ECPAS: variants seen among roughly 807,000 people sequenced by gnomAD.
ECPAS encodes proteasome adapter and scaffold protein ECM29.
A neutral mutation model predicts 255.1 loss-of-function variants in ECPAS; 70 were observed. The observed-to-expected ratio is 0.27, with a 90% confidence interval of 0.23 to 0.33. The LOEUF (loss-of-function observed/expected upper bound fraction) is 0.33, where lower values mean the gene tolerates loss of function less well. Ranked by LOEUF, ECPAS falls within the 10% of genes least tolerant of loss-of-function variation. ECPAS has a pLI of 1.00. For synonymous variants in ECPAS, 784 were observed against 775.0 expected (o/e 1.01, Z -0.19); for missense variants, 1,817 against 2,206.4 (o/e 0.82, Z 3.54).
intron 1 of ECPAS, chr9:111,483,455 C>G (rs1009243314): frequency 1.0e-6 from 1 of 959,220 alleles, no homozygotes; most frequent in African/African-American, 1.8e-5. Context: ...CCCGGCACCG[C>G]GCGGCGCCCG....
intron 17 of ECPAS, 150 bp downstream of exon 17, chr9:111,417,733 C>G (rs528470862): frequency 2.6e-6 from 2 of 773,898 alleles, no homozygotes; most frequent in African/African-American, 1.9e-5. Flanking sequence ...GCAACAAGAG[C>G]GAAGCTCCAT....
intron 41 of ECPAS, 34 bp downstream of exon 41, chr9:111,373,136 T>C (rs754028361): frequency 6.4e-7 from 1 of 1,560,152 alleles, no homozygotes; most frequent in South Asian, 1.1e-5. Context: ...AACATCTAAA[T>C]TTAAAATGAC....
At chr9:111,410,341 T>G (rs1162762635) in intron 22 of ECPAS, 128 bp from the exon 23 acceptor site, 1 of 694,390 alleles carries the variant, frequency 1.4e-6, no homozygotes, top group Non-Finnish European at 2.3e-6. Flanking sequence ...ATCTTCTAGT[T>G]GACAATTTGC....
intron 1 of ECPAS, chr9:111,483,873 A>T: frequency 2.1e-6 from 1 of 481,224 alleles, no homozygotes; most frequent in Non-Finnish European, 2.7e-6. Flanking sequence ...CGCTCGCCCA[A>T]CTCACGCCGG....
In ECPAS at chr9:111,375,221, T is replaced by C; in HGVS notation, c.4021-19A>G. 1 of 1,602,232 alleles carries C rather than the reference T, an allele frequency of 6.2e-7. No homozygotes were observed. Among genetic ancestry groups the C allele is most frequent in the Non-Finnish European group, 8.5e-7 (1 of 1,169,644 alleles). ...GCAGGCACTTTTGAAAAAGGACAAA[T>C]ATAAAGGTAAGCCTTGGCAAATAAG... On this transcript the variant is annotated intron_variant, in intron 37 of 49. Transcript: ENST00000684092.
chr9:111,464,337 G>T (rs73533547), intron 2 of ECPAS, among the ~76,000 whole-genome samples: 1 of 150,716 alleles, frequency 6.6e-6, no homozygotes, highest in Non-Finnish European at 1.5e-5. Context: ...CTCAGTACTC[G>T]AGAGGCTGAG....
At chr9:111,449,005 C>T (rs2098256806) in intron 3 of ECPAS, among the ~76,000 whole-genome samples, 1 of 151,792 alleles carries the variant, frequency 6.6e-6, no homozygotes, top group Non-Finnish European at 1.5e-5. Flanking sequence ...GTTCAAAAGC[C>T]CTGGGTTCAA....
At position 111,391,471 on chromosome 9, in the gene ECPAS, G is replaced by A. The variant is rs116626130; in HGVS notation, c.3161+285C>T. ...AGGTGCCTGTAATCTCAGTTACCTG[G>A]GAAGCTGAGGTAGGAGAATCTATCG... On this transcript the variant is annotated intron_variant, in intron 29 of 49. Coordinates refer to ENST00000684092, the MANE Select transcript of ECPAS (RefSeq NM_001364929.1). 2.3e-3 allele frequency among the ~76,000 whole-genome samples: 350 copies of A among 151,996 alleles called. 4 individuals carry two copies. Among genetic ancestry groups the A allele is most frequent in the African/African-American group, 8.3e-3 (343 of 41,448 alleles).
At chr9:111,427,587 A>T (rs2098223639) in intron 10 of ECPAS, among the ~76,000 whole-genome samples, 1 of 152,282 alleles carries the variant, frequency 6.6e-6, no homozygotes, top group Non-Finnish European at 1.5e-5. Context: ...ATATGTGTAC[A>T]TACATAAAGA....
intron 31 of ECPAS, among the ~76,000 whole-genome samples, chr9:111,387,977 T>C (rs1203255903): frequency 6.6e-6 from 1 of 152,232 alleles, no homozygotes; most frequent in East Asian, 1.9e-4. Flanking sequence ...CAGTGCCTGG[T>C]TCATGACTGT....
At chr9:111,371,059 G>C (rs1156391048) in intron 43 of ECPAS, among the ~76,000 whole-genome samples, 4 of 152,162 alleles carry the variant, frequency 2.6e-5, no homozygotes, top group Admixed American at 6.5e-5. Flanking sequence ...CTGACTCCCA[G>C]TCCGGTACTA....
In ECPAS at chr9:111,437,036, T is replaced by C. The variant is rs1589196880; in HGVS notation, c.612A>G (p.Gly204=). The C allele has an allele frequency of 6.2e-7, 1 of 1,613,138 alleles. No individual in the cohort carries two copies. The highest frequency in any genetic ancestry group is 8.5e-7 in the Non-Finnish European group (1 of 1,179,590). ...GAGGAGGCTGTGGGATTCCAGAACC[T>C]CCGCCACTGTTTGAAGAAGAACCCT... The part of the protein sequence containing the change: ...SAQGSSSNSG[G]GSGIPQPPPG... Residue 204 remains glycine, a synonymous_variant, in exon 7 of 50, where the codon GGA becomes GGG. Coordinates refer to ENST00000684092, the MANE Select transcript of ECPAS (RefSeq NM_001364929.1).
At chr9:111,373,534 GATGTT>G in intron 39 of ECPAS, 128 bp from the exon 40 acceptor site, 1 of 699,578 alleles carries the variant, frequency 1.4e-6, no homozygotes, top group Non-Finnish European at 2.4e-6. Context: ...TAGATTTCTG[GATGTT>G]ATATTTATAT....
chr9:111,420,562 C>T (rs2098211985), intron 15 of ECPAS, among the ~76,000 whole-genome samples: 1 of 152,102 alleles, frequency 6.6e-6, no homozygotes, highest in South Asian at 2.1e-4. Context: ...ACTTGGAATC[C>T]CCACCAATTT....
At chr9:111,436,908 A>G in intron 7 of ECPAS, 32 bp downstream of exon 7, 1 of 1,537,450 alleles carries the variant, frequency 6.5e-7, no homozygotes, top group Non-Finnish European at 8.8e-7. Context: ...GTCCACAATC[A>G]ACTACTATTA....
At position 111,386,426 on chromosome 9, in the gene ECPAS, C is replaced by CTTAACCAAATAT; in HGVS notation, c.3477_3478insATATTTGGTTAA (p.Gln1159_Asp1160insIlePheGlyTer). The CTTAACCAAATAT allele has an allele frequency of 6.2e-7, 1 of 1,600,776 alleles. No individual in the cohort carries two copies. The highest frequency in any genetic ancestry group is 8.5e-7 in the Non-Finnish European group (1 of 1,170,088). ...TTGCTTGTAAGGTTCTTAACCAAAT[C>CTTAACCAAATAT]TTGAAGAATTTCTTTCAAATATTTA... On this transcript the variant is annotated stop_gained and inframe_insertion, in exon 32 of 50. Coordinates refer to ENST00000684092, the MANE Select transcript of ECPAS (RefSeq NM_001364929.1). LOFTEE classifies it high-confidence loss of function.
chr9:111,362,329 T>C (rs1285966661), intron 49 of ECPAS, among the ~76,000 whole-genome samples, 160 bp from the exon 50 acceptor site: 1 of 152,148 alleles, frequency 6.6e-6, no homozygotes, highest in African/African-American at 2.4e-5. Flanking sequence ...CAGTATATAA[T>C]TATCATTACA....
chr9:111,367,891 A>C (rs1184620838), intron 46 of ECPAS, among the ~76,000 whole-genome samples: 1 of 151,922 alleles, frequency 6.6e-6, no homozygotes, highest in Non-Finnish European at 1.5e-5. Context: ...CTTCAAAAAA[A>C]ATTTGCTGGG....
intron 18 of ECPAS, among the ~76,000 whole-genome samples, chr9:111,414,880 A>C: frequency 6.6e-6 from 1 of 152,242 alleles, no homozygotes; most frequent in East Asian, 1.9e-4. Context: ...CTGAACTTTT[A>C]AAGTCAGAAA....
Sources: allele counts gnomAD v4.1 joint callset (sites outside exome capture counted in the v4.1 genomes callset), GRCh38; gene constraint gnomAD v4.1.1; transcripts MANE v1.5; gene names NCBI Gene and HGNC (gene_info 2026-07-23, HGNC 2026-07-21).